Variants in CPSF1 observed in about 807,000 individuals in gnomAD.
CPSF1 encodes cleavage and polyadenylation specificity factor subunit 1.
CPSF1 carries 106 observed loss-of-function variants against 175.8 expected under a neutral mutation model. The observed-to-expected ratio is 0.60, with a 90% CI of 0.52 to 0.71. The LOEUF is 0.71. CPSF1 is among the 30% of genes least tolerant of loss of function. The pLI, the probability that CPSF1 is intolerant of heterozygous loss-of-function variation, is 0.00. For missense variants in CPSF1, 1,734 were observed against 2,022.9 expected (o/e 0.86, Z 2.74); for synonymous variants, 1,024 against 858.3 (o/e 1.19, Z -3.37).
Position 144,401,684 on chromosome 8 carries a change from G to A in CPSF1, c.145-11C>T, listed in dbSNP as rs2116886706. 2.5e-6 allele frequency: 4 copies of A among 1,604,132 alleles called. No individual in the cohort carries two copies. The South Asian group carries it at 4.5e-5, about 18-fold the overall frequency. ...ATTCTTGGTCAGAGCCTGGAGGGGA[G>A]AGAAAGACAGGGCAGTGAGGGGCCA... is the stretch of plus-strand genomic sequence containing the variant. On this transcript the variant is annotated splice_polypyrimidine_tract_variant and intron_variant, in intron 2 of 37. Coordinates refer to ENST00000616140, the MANE Select transcript of CPSF1 (RefSeq NM_013291.3).
chr8:144,393,795 G>A lies in CPSF1; in HGVS notation c.4017C>T (p.Ala1339=). Residue 1339 remains alanine, a splice_region_variant and synonymous_variant, in exon 36 of 38, where the codon GCC becomes GCT. Transcript: ENST00000616140. ...VWENKHITWF[A]TLDGGIGLLL... ...GCAGCCCGATGCCGCCGTCCAGGGT[G>A]GCTGGCAGGGGTAGGGTGAGGGTTT... 6.3e-7 allele frequency: 1 copy of A among 1,599,678 alleles called. No homozygotes were observed. The highest frequency in any genetic ancestry group is 1.1e-5 in the South Asian group (1 of 90,216).
At chr8:144,408,430 T>C (rs1219474433) in intron 2 of CPSF1, among the ~76,000 whole-genome samples, 1 of 152,174 alleles carries the variant, frequency 6.6e-6, no homozygotes, top group Non-Finnish European at 1.5e-5. Context: ...CACCACTGTA[T>C]TTCCCAAACC....
Position 144,401,732 on chromosome 8 carries a change from G to A in CPSF1, c.145-59C>T, listed in dbSNP as rs2116887001. The A allele has an allele frequency of 1.4e-3, 2,181 of 1,536,782 alleles. 31 individuals carry two copies. In the African/African-American group the frequency reaches 0.027, roughly 19 times the overall value. ...CCACATCTGGCAGCTCACCTCATCC[G>A]GGGAACGAGAAAAGACCACCAAGCC... is the stretch of plus-strand genomic sequence containing the variant. On this transcript the variant is annotated intron_variant, in intron 2 of 37. Transcript: ENST00000616140.
chr8:144,408,185 C>T (rs1821598704), intron 2 of CPSF1, among the ~76,000 whole-genome samples: 1 of 152,112 alleles, frequency 6.6e-6, no homozygotes, highest in African/African-American at 2.4e-5. Context: ...TGACCACGGC[C>T]TACCTCCCTC....
chr8:144,395,965 T>C (rs1194969428), intron 26 of CPSF1: 1 of 384,332 alleles, frequency 2.6e-6, no homozygotes, highest in Non-Finnish European at 4.8e-6. Flanking sequence ...GACCTGGTGG[T>C]GTGGTGGCTT....
intron 2 of CPSF1, among the ~76,000 whole-genome samples, chr8:144,407,216 CCTT>C (rs1821543483): frequency 1.3e-5 from 2 of 149,334 alleles, no homozygotes; most frequent in Non-Finnish European, 3.0e-5. Flanking sequence ...ACGTGCCTGG[CCTT>C]TTTTTTTTTT....
At chr8:144,400,135 G>GGGGGCGCCCCCCCCCCCCCCC in intron 9 of CPSF1, 31 bp downstream of exon 9, 2 of 896,012 alleles carry the variant, frequency 2.2e-6, no homozygotes, top group Non-Finnish European at 3.2e-6. Context: ...CCGTCCCCGG[G>GGGGGCGCCCCCCCCCCCCCCC]CCCCCCCCGC....
intron 2 of CPSF1, among the ~76,000 whole-genome samples, chr8:144,408,635 G>A (rs1554869792): frequency 6.6e-6 from 1 of 152,218 alleles, no homozygotes; most frequent in African/African-American, 2.4e-5. Context: ...AGCAGCACTT[G>A]CTGCAGGGGC....
intron 2 of CPSF1, among the ~76,000 whole-genome samples, chr8:144,402,541 G>A (rs2116891915): frequency 6.6e-6 from 1 of 152,288 alleles, no homozygotes; most frequent in East Asian, 1.9e-4. Flanking sequence ...CTGACCTCAG[G>A]TGATCCGCCC....
rs2116881133 is a variant in CPSF1, at chr8:144,401,072, C to T, written c.391G>A (p.Gly131Arg). The change falls in exon 6 of 38, where the codon GGG becomes AGG. Residue 131 changes from glycine to arginine, a missense_variant. By Grantham distance (125) the Gly-to-Arg change is moderately radical (BLOSUM62 -2). Coordinates refer to ENST00000616140, the MANE Select transcript of CPSF1 (RefSeq NM_013291.3). ...HYFEEPELRD[G>R]FVQNVHTPRV... is the part of the protein sequence containing the mutation. ...GGCGTGTGTACATTCTGCACAAACC[C>T]GTCCTGGGGGCAGAGGGGGCATCAG... 7 of 1,605,240 alleles carry T rather than the reference C, an allele frequency of 4.4e-6. No individual in the cohort carries two copies. Among genetic ancestry groups the T allele is most frequent in the Non-Finnish European group, 6.0e-6 (7 of 1,175,214 alleles).
intron 9 of CPSF1, 31 bp downstream of exon 9, chr8:144,400,135 G>GGGGGGC: frequency 1.1e-6 from 1 of 895,992 alleles, no homozygotes; most frequent in Non-Finnish European, 1.6e-6. Flanking sequence ...CCGTCCCCGG[G>GGGGGGC]CCCCCCCCGC....
At chr8:144,407,002 G>C (rs2116907051) in intron 2 of CPSF1, among the ~76,000 whole-genome samples, 11 of 151,316 alleles carry the variant, frequency 7.3e-5, no homozygotes, top group African/African-American at 2.7e-4. Flanking sequence ...TGCAACCTCC[G>C]CCTACGGGTT....
In CPSF1 at chr8:144,396,644, C is replaced by G; in HGVS notation, c.2780G>C (p.Arg927Pro). The G allele has an allele frequency of 6.2e-7, 1 of 1,613,732 alleles. No individual in the cohort carries two copies. The highest frequency in any genetic ancestry group is 8.5e-7 in the Non-Finnish European group (1 of 1,180,004). The change falls in exon 25 of 38, where the codon CGC (arginine) becomes CCC (proline). Residue 927 changes from arginine (R) to proline (P), a missense_variant. Transcript: ENST00000616140. The stretch of plus-strand genomic sequence containing the variant: ...CTCGAAGTAGCGGAAACGCGCCACG[C>G]GGCCCCGGGCCCCAGCCCCCTCCTC... ...GAEEGAGARG[R>P]VARFRYFEDI...
intron 2 of CPSF1, among the ~76,000 whole-genome samples, chr8:144,407,347 C>T (rs2116908261): frequency 6.6e-6 from 1 of 152,044 alleles, no homozygotes; most frequent in East Asian, 1.9e-4. Flanking sequence ...TCCCATGTAG[C>T]TAGGACTACA....
At chr8:144,402,920 A>T (rs1332269025) in intron 2 of CPSF1, among the ~76,000 whole-genome samples, 3 of 152,152 alleles carry the variant, frequency 2.0e-5, no homozygotes, top group African/African-American at 4.8e-5. Context: ...ATTGTAACAC[A>T]ACTGGGTTGA....
chr8:144,398,133 C>A lies in CPSF1; in HGVS notation c.1895-1G>T. The A allele has an allele frequency of 1.3e-6, 2 of 1,590,416 alleles. No homozygotes were observed. Among genetic ancestry groups the A allele is most frequent in the Non-Finnish European group, 1.7e-6 (2 of 1,167,048 alleles). ...ACGGGGATGAAGTGCAGCTGATTCA[C>A]TGTAGGCATGGGGCAGTCAGCATGC... On this transcript the variant is annotated splice_acceptor_variant, in intron 19 of 37. Coordinates refer to ENST00000616140, the MANE Select transcript of CPSF1 (RefSeq NM_013291.3). LOFTEE classifies it high-confidence loss of function.
In CPSF1 at chr8:144,397,289, G is replaced by T; in HGVS notation, c.2510C>A (p.Ala837Asp). Reference protein sequence around the residue: ...TTQGEARREEATRQGELPLVK... With the variant: ...TTQGEARREEDTRQGELPLVK... ...GAGGGGCAGCTCCCCCTGGCGCGTG[G>T]CCTCCTCCCTGCGGGCCTCGCCCTG... The change falls in exon 23 of 38, where the codon GCC becomes GAC. Residue 837 changes from alanine to aspartate, a missense_variant. Ala to Asp is a moderately radical substitution (Grantham distance 126). Coordinates refer to ENST00000616140, the MANE Select transcript of CPSF1 (RefSeq NM_013291.3). 1 of 1,550,228 alleles carries T rather than the reference G, an allele frequency of 6.5e-7. No individual in the cohort carries two copies. The highest frequency in any genetic ancestry group is 8.7e-7 in the Non-Finnish European group (1 of 1,147,376).
Position 144,397,091 on chromosome 8 carries a change from G to T in CPSF1, c.2592+116C>A, listed in dbSNP as rs995337686. 112 of 1,015,330 alleles carry T rather than the reference G, an allele frequency of 1.1e-4. No homozygotes were observed. In the African/African-American group the frequency reaches 1.5e-3, roughly 14 times the overall value. The allele number at this position is 1,015,330 out of a possible 1,614,324, so 62.9% of individuals were successfully genotyped here. A position where few individuals can be genotyped will look rare whatever the true frequency, so the allele number is the denominator to read the frequency against. ...TGAGGGAGATGGGGTGGAGCCACGG[G>T]AAGGGGCGGGGCCGTGGGGGAGATG... On this transcript the variant is annotated intron_variant, in intron 23 of 37. Coordinates refer to ENST00000616140, the MANE Select transcript of CPSF1 (RefSeq NM_013291.3).
At chr8:144,401,833 C>T (rs1554867365) in intron 2 of CPSF1, among the ~76,000 whole-genome samples, 160 bp from the exon 3 acceptor site, 1 of 152,148 alleles carries the variant, frequency 6.6e-6, no homozygotes, top group East Asian at 1.9e-4. Flanking sequence ...CAGCTGTGCA[C>T]AGCCCCCCAC....
Sources: gnomAD v4.1 joint callset for allele counts (sites outside exome capture counted in the v4.1 genomes callset) on GRCh38, gnomAD v4.1.1 for gene constraint, MANE v1.5 for transcripts, NCBI Gene and HGNC (gene_info 2026-07-23, HGNC 2026-07-21) for gene names.